The following NPAS3 variants were observed in gnomAD, a reference collection of about 807,000 sequenced individuals.
NPAS3 encodes neuronal PAS domain protein 3.
Under a neutral mutation model 73.1 loss-of-function variants are expected in NPAS3, and 14 were observed. That is an observed-to-expected ratio of 0.19 (90% confidence interval 0.13 to 0.30). The LOEUF (loss-of-function observed/expected upper bound fraction) is 0.30. NPAS3 is among the 10% of genes least tolerant of loss of function. NPAS3 has a pLI of 1.00. For missense variants in NPAS3, 1,096 were observed against 1,250.0 expected (o/e 0.88, Z 1.86); for synonymous variants, 620 against 541.5 (o/e 1.14, Z -2.01).
chr14:33,527,017 A>C (rs538164970), intron 4 of NPAS3, among the ~76,000 whole-genome samples: 1 of 152,284 alleles, frequency 6.6e-6, no homozygotes, highest in East Asian at 1.9e-4. Flanking sequence ...GTCCTTAGGA[A>C]GCTGGCAGAA....
At chr14:33,523,047 C>G (rs912797974) in intron 4 of NPAS3, among the ~76,000 whole-genome samples, 2 of 152,152 alleles carry the variant, frequency 1.3e-5, no homozygotes, top group Admixed American at 1.3e-4. Context: ...GTCTGAGCCA[C>G]ACACTCTTCT....
At chr14:32,945,665 G>C (rs2036220117) in intron 1 of NPAS3, among the ~76,000 whole-genome samples, 1 of 152,190 alleles carries the variant, frequency 6.6e-6, no homozygotes, top group Non-Finnish European at 1.5e-5. Flanking sequence ...CAATATCAGA[G>C]AGTTCCAATG....
chr14:32,937,632 CT>C (rs1361066990), upstream of NPAS3, among the ~76,000 whole-genome samples: 8 of 152,178 alleles, frequency 5.3e-5, no homozygotes, highest in Non-Finnish European at 1.2e-4. Context: ...TTATGTGTTC[CT>C]TTGGAAGTTT....
At chr14:33,543,799 C>T (rs983460809) in intron 4 of NPAS3, among the ~76,000 whole-genome samples, 1 of 151,912 alleles carries the variant, frequency 6.6e-6, no homozygotes, top group Admixed American at 6.6e-5. Flanking sequence ...GAGTGAGTGG[C>T]AGCTGTTTGA....
chr14:33,785,927 G>C (rs2138574849), intron 9 of NPAS3, among the ~76,000 whole-genome samples: 1 of 152,310 alleles, frequency 6.6e-6, no homozygotes, highest in Admixed American at 6.5e-5. Flanking sequence ...CCAAAGTGCG[G>C]AAGGGGTCAG....
intron 5 of NPAS3, among the ~76,000 whole-genome samples, chr14:33,607,407 CA>C (rs35133518): frequency 0.33 from 41,537 of 124,982 alleles, 6,296 homozygotes; most frequent in East Asian, 0.48. Context: ...TAAGCCAAAC[CA>C]AAAAAAAAAA....
At chr14:33,603,145 G>A (rs1424602621) in intron 5 of NPAS3, among the ~76,000 whole-genome samples, 1 of 152,158 alleles carries the variant, frequency 6.6e-6, no homozygotes, top group African/African-American at 2.4e-5. Context: ...TGTTCAAAAA[G>A]TTCAATGGAG....
chr14:33,803,841 T>C (rs1240192406), downstream of NPAS3: 1 of 152,168 alleles, frequency 6.6e-6, no homozygotes, highest in Admixed American at 6.5e-5. Context: ...GAAAGGGATA[T>C]TCTGTTCGTA....
In NPAS3 at chr14:33,736,017, A is replaced by C. The variant is rs555898741; in HGVS notation, c.852+685A>C. ...ACTATAGCAACGTAAATTAAGACCT[A>C]TGAAATTCATGAAATGCCTTTGGCA... is the stretch of plus-strand genomic sequence containing the variant. On this transcript the variant is annotated intron_variant, in intron 7 of 11. Coordinates refer to ENST00000356141, the Ensembl canonical transcript of NPAS3. 3.3e-5 allele frequency among the ~76,000 whole-genome samples: 5 copies of C among 152,334 alleles called. No homozygotes were observed. In the East Asian group the frequency reaches 9.7e-4, roughly 29 times the overall value.
intron 4 of NPAS3, among the ~76,000 whole-genome samples, chr14:33,427,432 G>T (rs555326690): frequency 6.6e-6 from 1 of 151,670 alleles, no homozygotes; most frequent in African/African-American, 2.4e-5. Context: ...TCCACAACCA[G>T]AAAGGCATTA....
intron 3 of NPAS3, among the ~76,000 whole-genome samples, chr14:33,341,358 C>G (rs1368628879): frequency 2.0e-5 from 3 of 152,150 alleles, no homozygotes; most frequent in African/African-American, 7.2e-5. Flanking sequence ...CAAAATTTAC[C>G]TAACGTTATT....
At position 33,651,168 on chromosome 14, in the gene NPAS3, T is replaced by A. The variant is rs149654664; in HGVS notation, c.559-25043T>A. Among the ~76,000 whole-genome samples, 873 of 152,334 alleles carry A rather than the reference T, an allele frequency of 5.7e-3. 3 individuals are homozygous for A. The highest frequency in any genetic ancestry group is 9.4e-3 in the Non-Finnish European group (640 of 68,028). On this transcript the variant is annotated intron_variant, in intron 5 of 11. Transcript: ENST00000356141. ...ATCACACCTCCTACAACTTAGGCTG[T>A]GAAGCCTTTTTCGCGCCATGCAGTG...
rs868276583 is a variant in NPAS3 at position 33,545,863 on chromosome 14, G to A, written c.469-14258G>A. Among the ~76,000 whole-genome samples the A allele has an allele frequency of 5.9e-5, 9 of 152,284 alleles. No individual in the cohort carries two copies. In the South Asian group the frequency reaches 1.5e-3, roughly 25 times the overall value. On this transcript the variant is annotated intron_variant, in intron 4 of 11. Transcript: ENST00000356141. The stretch of plus-strand genomic sequence containing the variant: ...TGTGAGCCATAAGATATGGCCTCTG[G>A]CAGTGTATCTCCCTTGCTGAGGATT...
intron 6 of NPAS3, among the ~76,000 whole-genome samples, chr14:33,685,880 A>G (rs896480394): frequency 6.6e-6 from 1 of 152,132 alleles, no homozygotes; most frequent in African/African-American, 2.4e-5. Context: ...CAGACACTGG[A>G]CCCAGGGTTT....
chr14:33,313,181 T>A (rs1485682720), intron 3 of NPAS3, among the ~76,000 whole-genome samples: 1 of 152,068 alleles, frequency 6.6e-6, no homozygotes, highest in Non-Finnish European at 1.5e-5. Context: ...TGAATTAGTA[T>A]CTCTATGGGT....
intron 6 of NPAS3, among the ~76,000 whole-genome samples, chr14:33,716,070 G>T (rs1230839235): frequency 6.6e-6 from 1 of 152,144 alleles, no homozygotes; most frequent in East Asian, 1.9e-4. Flanking sequence ...TGTGAGAACA[G>T]ACTAATACAA....
chr14:33,662,846 G>A (rs1453810402), intron 5 of NPAS3, among the ~76,000 whole-genome samples: 1 of 149,446 alleles, frequency 6.7e-6, no homozygotes, highest in Non-Finnish European at 1.5e-5. Context: ...GAGGAGATTT[G>A]GGGCTGAGAC....
At chr14:33,151,947 T>C (rs1467721087) in intron 2 of NPAS3, among the ~76,000 whole-genome samples, 2 of 152,170 alleles carry the variant, frequency 1.3e-5, no homozygotes, top group African/African-American at 4.8e-5. Flanking sequence ...ATTGGATAGA[T>C]ATATTACGTA....
At chr14:33,193,404 A>T (rs971667285) in intron 2 of NPAS3, among the ~76,000 whole-genome samples, 3 of 152,290 alleles carry the variant, frequency 2.0e-5, no homozygotes, top group South Asian at 2.1e-4. Context: ...TTGCCATATC[A>T]GTAAACACAT....
Sources: gnomAD v4.1 joint callset for allele counts (sites outside exome capture counted in the v4.1 genomes callset) on GRCh38, gnomAD v4.1.1 for gene constraint, MANE v1.5 for transcripts, NCBI Gene and HGNC (gene_info 2026-07-23, HGNC 2026-07-21) for gene names.